The following DPY30 variants were observed in gnomAD, a reference collection of about 807,000 sequenced individuals.
DPY30 encodes protein dpy-30 homolog.
In DPY30, 6 loss-of-function variants were observed where a neutral mutation model predicts 16.2. The observed-to-expected ratio is 0.37, with a 90% CI of 0.20 to 0.73. The LOEUF (loss-of-function observed/expected upper bound fraction) is 0.73, where lower values mean the gene tolerates loss of function less well. Among genes scored for constraint, DPY30 ranks in the 30% least tolerant of loss-of-function variants. The pLI is 0.51. For synonymous variants in DPY30, 39 were observed against 38.8 expected, an observed-to-expected ratio of 1.00 and a Z score of -0.02; for missense variants, 73 against 113.1, an observed-to-expected ratio of 0.65 and a Z score of 1.61.
At position 32,024,060 on chromosome 2, in the gene DPY30, T is replaced by C. The variant is rs558990306; in HGVS notation, c.*124A>G. ...ATGTTATCTTCTGCAATTCCAGAAA[T>C]AGGTTCTGTTGTCCGGAAGGTTCTT... On this transcript the variant is annotated 3_prime_UTR_variant, in exon 5 of 5. Coordinates refer to ENST00000342166, the MANE Select transcript of DPY30 (RefSeq NM_001321209.2). 5 of 1,501,860 alleles carry C rather than the reference T, an allele frequency of 3.3e-6. No individual in the cohort carries two copies. The African/African-American group carries it at 7.1e-5, about 21-fold the overall frequency. The allele number at this position is 1,501,860 out of a possible 1,614,324, so 93.0% of individuals were successfully genotyped here. A position where few individuals can be genotyped will look rare whatever the true frequency, so the allele number is the denominator to read the frequency against.
intron 3 of DPY30, among the ~76,000 whole-genome samples, chr2:32,038,411 G>C (rs1675833392): frequency 4.3e-5 from 3 of 69,680 alleles, no homozygotes; most frequent in Non-Finnish European, 7.7e-5. Flanking sequence ...TTATTTTGAG[G>C]GGGGGGGGGG....
Position 32,029,674 on chromosome 2 carries a change from C to T in DPY30, c.147G>A (p.Gln49=). The T allele has an allele frequency of 1.2e-6, 2 of 1,614,052 alleles. No individual in the cohort carries two copies. The highest frequency in any genetic ancestry group is 1.7e-6 in the Non-Finnish European group (2 of 1,180,000). ...EKSSKQKVDL[Q]SLPTRAYLDQ... Reference sequence around the variant, plus strand: ...CCAGGTAGGCACGAGTTGGCAAAGACTGGAGATCTACCTTCTGCTTTGATG... The same window carrying T: ...CCAGGTAGGCACGAGTTGGCAAAGATTGGAGATCTACCTTCTGCTTTGATG... The change falls in exon 4 of 5, where the codon CAG becomes CAA. Residue 49 remains glutamine, a synonymous_variant. Transcript: ENST00000342166.
chr2:32,013,368 A>C (rs930415055), intron 5 of DPY30: 1 of 152,230 alleles, frequency 6.6e-6, no homozygotes, highest in Non-Finnish European at 1.5e-5. Context: ...TTGAACTGAA[A>C]GGTTAGCAGA....
At chr2:32,039,571 C>T in intron 1 of DPY30, 79 bp from the exon 2 acceptor site, 1 of 1,423,136 alleles carries the variant, frequency 7.0e-7, no homozygotes, top group Admixed American at 2.0e-5. Context: ...GCCCAGCCCC[C>T]GACCCCGCCC....
chr2:32,020,638 T>G (rs980287676), downstream of DPY30, among the ~76,000 whole-genome samples: 14 of 152,180 alleles, frequency 9.2e-5, no homozygotes, highest in African/African-American at 2.9e-4. Flanking sequence ...GTAATCAAGT[T>G]GTATATATTA....
intron 3 of DPY30, among the ~76,000 whole-genome samples, chr2:32,030,034 T>C (rs1180852665): frequency 1.3e-5 from 2 of 151,374 alleles, no homozygotes; most frequent in Non-Finnish European, 2.9e-5. Context: ...CCTTTTTCTC[T>C]TTTTCATGTA....
At chr2:32,026,739 C>T (rs1196013160) in intron 4 of DPY30, among the ~76,000 whole-genome samples, 2 of 151,152 alleles carry the variant, frequency 1.3e-5, no homozygotes, top group African/African-American at 4.9e-5. Flanking sequence ...AGTGAGCTGA[C>T]ATCGTGCCAC....
chr2:32,024,314 A>T, intron 4 of DPY30, 58 bp from the exon 5 acceptor site: 1 of 1,248,636 alleles, frequency 8.0e-7, no homozygotes, highest in Non-Finnish European at 1.1e-6. Context: ...TGTTAATTTA[A>T]ACATATTGTT....
intron 5 of DPY30, among the ~76,000 whole-genome samples, chr2:32,015,869 A>C (rs934470279): frequency 4.0e-5 from 6 of 151,042 alleles, no homozygotes; most frequent in African/African-American, 1.5e-4. Flanking sequence ...AAAAAAAAAA[A>C]TACAAAGCTT....
At chr2:32,025,784 C>T (rs1466508308) in intron 4 of DPY30, among the ~76,000 whole-genome samples, 1 of 149,148 alleles carries the variant, frequency 6.7e-6, no homozygotes, top group Admixed American at 6.7e-5. Context: ...AAAAAAAAAC[C>T]GTACTTGGGC....
rs113385004 is a variant in DPY30 at position 32,031,422 on chromosome 2, A to C, written c.85-1686T>G. ...GTGACAAAGACTCCGTCTCAAAAAA[A>C]AAAAGAAAAATAAAAAATAAAAAAA... On this transcript the variant is annotated intron_variant, in intron 3 of 4. Transcript: ENST00000342166. Among the ~76,000 whole-genome samples the C allele has an allele frequency of 5.3e-3, 803 of 152,054 alleles. 5 individuals are homozygous for C. The highest frequency in any genetic ancestry group is 0.018 in the African/African-American group (749 of 41,480).
At chr2:32,034,782 T>A (rs1675673454) in intron 3 of DPY30, among the ~76,000 whole-genome samples, 1 of 151,872 alleles carries the variant, frequency 6.6e-6, no homozygotes, top group Non-Finnish European at 1.5e-5. Context: ...GTGGATCACC[T>A]TAGGTCAGGA....
At chr2:32,031,979 G>A (rs1282595601) in intron 3 of DPY30, among the ~76,000 whole-genome samples, 1 of 151,212 alleles carries the variant, frequency 6.6e-6, no homozygotes, top group African/African-American at 2.4e-5. Flanking sequence ...GTATTCCTAA[G>A]AGCACTTTCA....
chr2:32,018,317 A>G (rs1675101100), intron 5 of DPY30, among the ~76,000 whole-genome samples: 1 of 152,214 alleles, frequency 6.6e-6, no homozygotes, highest in Non-Finnish European at 1.5e-5. Flanking sequence ...TAGACCATGC[A>G]TCATAGGTGT....
At chr2:32,028,056 C>T (rs914745956) in intron 4 of DPY30, among the ~76,000 whole-genome samples, 19 of 151,300 alleles carry the variant, frequency 1.3e-4, no homozygotes, top group African/African-American at 4.1e-4. Flanking sequence ...TTTATATAAA[C>T]AAATTATCTA....
chr2:32,018,075 T>C (rs1251486838), intron 5 of DPY30, among the ~76,000 whole-genome samples: 1 of 152,064 alleles, frequency 6.6e-6, no homozygotes, highest in African/African-American at 2.4e-5. Flanking sequence ...GAGAAATAAA[T>C]TGTTGTTTAC....
chr2:32,028,610 G>C (rs1042664339), intron 4 of DPY30, among the ~76,000 whole-genome samples: 7 of 152,098 alleles, frequency 4.6e-5, no homozygotes, highest in African/African-American at 9.7e-5. Context: ...AGATCATTCT[G>C]GCCAACATGG....
intron 3 of DPY30, among the ~76,000 whole-genome samples, 188 bp from the exon 4 acceptor site, chr2:32,029,924 C>A (rs1675469242): frequency 6.6e-6 from 1 of 152,164 alleles, no homozygotes. Context: ...TTCAAGCTCT[C>A]TCTCTCCAAA....
At chr2:32,034,694 C>G (rs1171007188) in intron 3 of DPY30, among the ~76,000 whole-genome samples, 1 of 152,118 alleles carries the variant, frequency 6.6e-6, no homozygotes, top group Non-Finnish European at 1.5e-5. Context: ...TCCAGTGACA[C>G]AGGGGAAGAA....
Sources: allele counts gnomAD v4.1 joint callset (sites outside exome capture counted in the v4.1 genomes callset), GRCh38; gene constraint gnomAD v4.1.1; transcripts MANE v1.5; gene names NCBI Gene and HGNC (gene_info 2026-07-23, HGNC 2026-07-21).